Variants in WWOX observed in about 807,000 individuals in gnomAD.
The protein encoded by WWOX is WW domain containing oxidoreductase.
WWOX carries 69 observed loss-of-function variants against 46.2 expected under a neutral mutation model. The ratio of observed to expected loss-of-function variants is 1.49; its 90% CI spans 1.23 to 1.82. The LOEUF (loss-of-function observed/expected upper bound fraction) is 1.82. WWOX is among the 40% of genes most tolerant of loss of function. The probability of loss-of-function intolerance (pLI) is 0.00; values close to 1 mark genes in which losing one functional copy is unlikely to be tolerated. For missense variants in WWOX, 919 were observed against 542.6 expected (o/e 1.69, Z -6.89); for synonymous variants, 359 against 202.6 (o/e 1.77, Z -6.56).
At chr16:78,670,080 C>G (rs866058574) in intron 8 of WWOX, among the ~76,000 whole-genome samples, 1 of 152,088 alleles carries the variant, frequency 6.6e-6, no homozygotes, top group Admixed American at 6.5e-5. Flanking sequence ...AATTCCTGTT[C>G]CCGGCCGCCC....
At chr16:79,011,672 T>G (rs2047312896) in intron 8 of WWOX, among the ~76,000 whole-genome samples, 1 of 151,784 alleles carries the variant, frequency 6.6e-6, no homozygotes, top group Admixed American at 6.6e-5. Context: ...TTTTTGCATT[T>G]TTTAGAGATG....
chr16:79,040,064 C>CAT (rs1047368037), intron 8 of WWOX, among the ~76,000 whole-genome samples: 1 of 152,158 alleles, frequency 6.6e-6, no homozygotes, highest in African/African-American at 2.4e-5. Flanking sequence ...TCAGTGTTTC[C>CAT]ATCTATAAAC....
intron 8 of WWOX, among the ~76,000 whole-genome samples, chr16:78,645,726 A>G (rs1298010875): frequency 1.3e-5 from 2 of 152,196 alleles, no homozygotes; most frequent in Non-Finnish European, 2.9e-5. Context: ...GACTCCTGTC[A>G]TCAGCCACGG....
chr16:78,517,192 T>C (rs1474579324), intron 8 of WWOX, among the ~76,000 whole-genome samples: 3 of 152,304 alleles, frequency 2.0e-5, no homozygotes, highest in East Asian at 3.9e-4. Context: ...TTTTCTGCAA[T>C]TGACATATCA....
chr16:78,242,020 C>G (rs2037667231), intron 5 of WWOX, among the ~76,000 whole-genome samples: 1 of 152,198 alleles, frequency 6.6e-6, no homozygotes, highest in Non-Finnish European at 1.5e-5. Flanking sequence ...GAATGCCTGT[C>G]ATTGTTGACT....
intron 8 of WWOX, among the ~76,000 whole-genome samples, chr16:78,572,344 C>A (rs2044737210): frequency 6.6e-6 from 1 of 152,158 alleles, no homozygotes; most frequent in African/African-American, 2.4e-5. Flanking sequence ...CCTGTAATGC[C>A]AGCACTTTGG....
At chr16:79,075,360 C>T (rs566063095) in intron 8 of WWOX, among the ~76,000 whole-genome samples, 3 of 152,208 alleles carry the variant, frequency 2.0e-5, no homozygotes, top group Non-Finnish European at 4.4e-5. Flanking sequence ...ACTTATGCTT[C>T]CACCACCTTA....
intron 5 of WWOX, among the ~76,000 whole-genome samples, chr16:78,368,419 C>A (rs2081590432): frequency 6.6e-6 from 1 of 152,126 alleles, no homozygotes; most frequent in Non-Finnish European, 1.5e-5. Context: ...CTCATAAAGT[C>A]ACTGCTGTCC....
intron 8 of WWOX, among the ~76,000 whole-genome samples, chr16:78,948,346 C>T (rs899687374): frequency 7.2e-5 from 11 of 152,158 alleles, no homozygotes; most frequent in African/African-American, 1.7e-4. Flanking sequence ...GTTTCCAGAG[C>T]GTCTTCCTGA....
At chr16:78,979,640 A>G (rs1176945730) in intron 8 of WWOX, among the ~76,000 whole-genome samples, 1 of 152,026 alleles carries the variant, frequency 6.6e-6, no homozygotes, top group Non-Finnish European at 1.5e-5. Context: ...GGATCTTGTT[A>G]CTCAGATGTC....
intron 5 of WWOX, among the ~76,000 whole-genome samples, chr16:78,359,479 G>A (rs2151912259): frequency 6.6e-6 from 1 of 152,204 alleles, no homozygotes; most frequent in South Asian, 2.1e-4. Context: ...TCGATAGTTG[G>A]TACTTAAGAA....
At chr16:78,880,231 A>C (rs1194026066) in intron 8 of WWOX, among the ~76,000 whole-genome samples, 1 of 152,330 alleles carries the variant, frequency 6.6e-6, no homozygotes, top group Middle Eastern at 3.4e-3. Context: ...TTTCTCTCTT[A>C]TTAACATGAA....
At chr16:78,324,143 C>T (rs972491474) in intron 5 of WWOX, among the ~76,000 whole-genome samples, 1 of 152,082 alleles carries the variant, frequency 6.6e-6, no homozygotes, top group East Asian at 1.9e-4. Context: ...ATTCCAAGAC[C>T]GTGGCCTTTG....
intron 8 of WWOX, among the ~76,000 whole-genome samples, chr16:79,143,561 C>T (rs2050130137): frequency 6.6e-6 from 1 of 152,102 alleles, no homozygotes; most frequent in African/African-American, 2.4e-5. Flanking sequence ...CAATGATTTA[C>T]TCAGATCCGT....
At chr16:79,039,306 C>G (rs929954244) in intron 8 of WWOX, among the ~76,000 whole-genome samples, 1 of 152,108 alleles carries the variant, frequency 6.6e-6, no homozygotes, top group African/African-American at 2.4e-5. Flanking sequence ...ATTGCCTCCT[C>G]TCCTGCCAGC....
chr16:78,554,444 C>A (rs554122927), intron 8 of WWOX, among the ~76,000 whole-genome samples: 1 of 152,206 alleles, frequency 6.6e-6, no homozygotes, highest in Admixed American at 6.5e-5. Context: ...TAAAACCTAG[C>A]ATATGAAAAC....
intron 8 of WWOX, among the ~76,000 whole-genome samples, chr16:78,919,355 T>A (rs902057973): frequency 6.6e-6 from 1 of 151,874 alleles, no homozygotes; most frequent in African/African-American, 2.4e-5. Context: ...ATTCTAGAAT[T>A]TGCATCCAGG....
chr16:78,476,732 A>T (rs1318529419), intron 8 of WWOX, among the ~76,000 whole-genome samples: 2 of 152,352 alleles, frequency 1.3e-5, no homozygotes, highest in East Asian at 3.9e-4. Flanking sequence ...TTGCTTCTTC[A>T]GTTGAAGACC....
chr16:78,141,619 G>A (rs531135692), intron 4 of WWOX, among the ~76,000 whole-genome samples: 2 of 152,216 alleles, frequency 1.3e-5, no homozygotes, highest in South Asian at 2.1e-4. Context: ...GTAATCATTA[G>A]TAGCAGTTAC....
Sources: gnomAD v4.1 joint callset for allele counts (sites outside exome capture counted in the v4.1 genomes callset) on GRCh38, gnomAD v4.1.1 for gene constraint, MANE v1.5 for transcripts, NCBI Gene and HGNC (gene_info 2026-07-23, HGNC 2026-07-21) for gene names.